The following TRIM2 variants were observed in gnomAD, a reference collection of about 807,000 sequenced individuals.
TRIM2 encodes tripartite motif-containing protein 2.
A neutral mutation model predicts 75.2 loss-of-function variants in TRIM2; 20 were observed. The ratio of observed to expected loss-of-function variants is 0.27; its 90% CI spans 0.19 to 0.39. The LOEUF (loss-of-function observed/expected upper bound fraction) is 0.39. Ranked by LOEUF, TRIM2 falls within the 10% of genes least tolerant of loss-of-function variation. The pLI is 1.00. For missense variants in TRIM2, 660 were observed against 990.8 expected (o/e 0.67, Z 4.48); for synonymous variants, 373 against 388.3 (o/e 0.96, Z 0.46).
At chr4:153,244,432 C>CTTCTTCT (rs1560875871) in intron 1 of TRIM2, among the ~76,000 whole-genome samples, 4 of 108,470 alleles carry the variant, frequency 3.7e-5, no homozygotes, top group Non-Finnish European at 7.1e-5. Flanking sequence ...TCTTCTTCTT[C>CTTCTTCT]TTCTTTTAAT....
Position 153,338,575 on chromosome 4 carries a change from AT to A in TRIM2, c.*3610del. The A allele has an allele frequency of 1.0e-6, 1 of 984,690 alleles. No individual in the cohort carries two copies. The highest frequency in any genetic ancestry group is 1.2e-6 in the Non-Finnish European group (1 of 828,894). The allele number at this position is 984,690 out of a possible 1,614,324, so 61.0% of individuals were successfully genotyped here. On this transcript the variant is annotated 3_prime_UTR_variant, in exon 12 of 12. Coordinates refer to ENST00000338700, the MANE Select transcript of TRIM2 (RefSeq NM_015271.5). Reference sequence around the variant, plus strand: ...TGATAACTAGAAATCTAGTATTGCCATAAAGGAAACTAAGTGCCCATCAAAG... The same window carrying A: ...TGATAACTAGAAATCTAGTATTGCCAAAAGGAAACTAAGTGCCCATCAAAG...
chr4:153,173,810 T>C (rs888490239), intron 1 of TRIM2, among the ~76,000 whole-genome samples: 1 of 147,010 alleles, frequency 6.8e-6, no homozygotes, highest in Admixed American at 6.8e-5. Flanking sequence ...CTACTAAAAA[T>C]ACAAAAATCA....
intron 2 of TRIM2, among the ~76,000 whole-genome samples, chr4:153,273,282 T>C (rs2150049380): frequency 8.1e-6 from 1 of 122,868 alleles, no homozygotes; most frequent in Non-Finnish European, 1.7e-5. Context: ...TTTTTTTTTT[T>C]TTTTTTTTTT....
At chr4:153,255,579 T>C (rs2149951656) in intron 1 of TRIM2, among the ~76,000 whole-genome samples, 1 of 152,308 alleles carries the variant, frequency 6.6e-6, no homozygotes, top group South Asian at 2.1e-4. Context: ...TGCTTCCAGT[T>C]TTAGAAGTGG....
At chr4:153,234,965 AC>A (rs1371488537) in intron 1 of TRIM2, among the ~76,000 whole-genome samples, 4 of 151,968 alleles carry the variant, frequency 2.6e-5, no homozygotes, top group African/African-American at 9.7e-5. Context: ...GAGCACACAG[AC>A]CCCTCTGCTG....
chr4:153,271,701 T>G (rs1756708977), intron 2 of TRIM2, among the ~76,000 whole-genome samples: 1 of 152,188 alleles, frequency 6.6e-6, no homozygotes, highest in Non-Finnish European at 1.5e-5. Flanking sequence ...TACAAAATAA[T>G]TAGAGTGTGA....
At chr4:153,230,262 C>A (rs1044182547) in intron 1 of TRIM2, among the ~76,000 whole-genome samples, 1 of 152,130 alleles carries the variant, frequency 6.6e-6, no homozygotes, top group African/African-American at 2.4e-5. Flanking sequence ...CTCACTGCAG[C>A]CTTTGCCTCC....
chr4:153,339,092 T>C lies in TRIM2; in HGVS notation c.*4126T>C. Reference sequence around the variant, plus strand: ...TGATATATTCTCGTCATTTGTTCTTTTATGAATCAAAATGTTGACTGCCTA... The same window carrying C: ...TGATATATTCTCGTCATTTGTTCTTCTATGAATCAAAATGTTGACTGCCTA... On this transcript the variant is annotated 3_prime_UTR_variant, in exon 12 of 12. Transcript: ENST00000338700. The C allele has an allele frequency of 1.0e-6, 1 of 985,842 alleles. No individual in the cohort carries two copies. The highest frequency in any genetic ancestry group is 1.2e-6 in the Non-Finnish European group (1 of 829,910). The allele number at this position is 985,842 out of a possible 1,614,324, so 61.1% of individuals were successfully genotyped here. A position where few individuals can be genotyped will look rare whatever the true frequency, so the allele number is the denominator to read the frequency against.
chr4:153,278,265 C>T (rs1468008924), intron 3 of TRIM2, among the ~76,000 whole-genome samples: 1 of 152,130 alleles, frequency 6.6e-6, no homozygotes, highest in Non-Finnish European at 1.5e-5. Context: ...AGGTGCATGC[C>T]ACCACGCCCA....
At chr4:153,315,706 T>C in intron 7 of TRIM2, 118 bp downstream of exon 7, 1 of 1,452,842 alleles carries the variant, frequency 6.9e-7, no homozygotes. Flanking sequence ...TATGTTTATG[T>C]AGACTTTTCT....
At chr4:153,249,725 A>G (rs1203965282) in intron 1 of TRIM2, among the ~76,000 whole-genome samples, 1 of 152,246 alleles carries the variant, frequency 6.6e-6, no homozygotes, top group Non-Finnish European at 1.5e-5. Flanking sequence ...AAACCACTGC[A>G]TTAATTAAAC....
intron 6 of TRIM2, among the ~76,000 whole-genome samples, chr4:153,297,116 G>T (rs1213984108): frequency 6.6e-6 from 1 of 152,190 alleles, no homozygotes; most frequent in South Asian, 2.1e-4. Context: ...TCCCTGGAAC[G>T]TCTTGGGAAA....
At chr4:153,202,710 A>AG (rs553058266), upstream of TRIM2, among the ~76,000 whole-genome samples, 1,033 of 151,216 alleles carry the variant, frequency 6.8e-3, 28 homozygotes, top group South Asian at 0.054. Flanking sequence ...AAAAAAAAAA[A>AG]AAAAAGAAAT....
chr4:153,243,799 T>C (rs1223300868), intron 1 of TRIM2, among the ~76,000 whole-genome samples: 219 of 118,240 alleles, frequency 1.9e-3, no homozygotes, highest in South Asian at 2.4e-3. Context: ...TCCTTCCTCC[T>C]CCCCCTCCTT....
intron 1 of TRIM2, among the ~76,000 whole-genome samples, chr4:153,174,331 C>T (rs1437751481): frequency 6.6e-6 from 1 of 151,950 alleles, no homozygotes; most frequent in Non-Finnish European, 1.5e-5. Flanking sequence ...CTTTCCATCC[C>T]TTCCCTCTTT....
chr4:153,222,084 A>T (rs900062900), intron 1 of TRIM2, among the ~76,000 whole-genome samples: 1 of 55,504 alleles, frequency 1.8e-5, no homozygotes, highest in Non-Finnish European at 3.7e-5. Context: ...AAAGAGAGAG[A>T]GAGGAAGGGT....
chr4:153,276,245 T>A, intron 3 of TRIM2, 115 bp downstream of exon 3: 1 of 884,422 alleles, frequency 1.1e-6, no homozygotes, highest in Non-Finnish European at 1.8e-6. Context: ...GAAAAATCAG[T>A]AATTAAAAAA....
chr4:153,196,702 G>A (rs186448229), intron 1 of TRIM2, among the ~76,000 whole-genome samples: 24 of 152,340 alleles, frequency 1.6e-4, no homozygotes, highest in African/African-American at 2.6e-4. Context: ...GGTTATTGAT[G>A]AAATGTTGCA....
chr4:153,236,883 G>A (rs113558119), intron 1 of TRIM2, among the ~76,000 whole-genome samples: 2,975 of 152,088 alleles, frequency 0.02, 81 homozygotes, highest in East Asian at 0.08. Flanking sequence ...GTAGAGATGG[G>A]GGTCTCACTA....
Sources: allele counts gnomAD v4.1 joint callset (sites outside exome capture counted in the v4.1 genomes callset), GRCh38; gene constraint gnomAD v4.1.1; transcripts MANE v1.5; gene names NCBI Gene and HGNC (gene_info 2026-07-23, HGNC 2026-07-21).